Variants in DPP10 observed in about 807,000 individuals in gnomAD.
DPP10 encodes the protein dipeptidyl peptidase like 10, also known as inactive dipeptidyl peptidase 10.
DPP10 carries 33 observed loss-of-function variants against 120.9 expected under a neutral mutation model. That is an observed-to-expected ratio of 0.27 (90% CI 0.21 to 0.37). The LOEUF (loss-of-function observed/expected upper bound fraction) is 0.37, where lower values mean the gene tolerates loss of function less well. Ranked by LOEUF, DPP10 falls within the 10% of genes least tolerant of loss-of-function variation. DPP10 has a pLI of 1.00. For synonymous variants in DPP10, 337 were observed against 326.1 expected, an observed-to-expected ratio of 1.03 and a Z score of -0.36; for missense variants, 816 against 942.8, an observed-to-expected ratio of 0.87 and a Z score of 1.76.
At chr2:115,383,864 T>G (rs1247451947) in intron 3 of DPP10, among the ~76,000 whole-genome samples, 1 of 152,192 alleles carries the variant, frequency 6.6e-6, no homozygotes, top group Non-Finnish European at 1.5e-5. Context: ...TTGAGATTAT[T>G]TCTCAGCAAT....
intron 1 of DPP10, among the ~76,000 whole-genome samples, chr2:115,300,098 A>G (rs1021386939): frequency 2.6e-5 from 4 of 152,032 alleles, no homozygotes; most frequent in Admixed American, 2.6e-4. Context: ...ATATGTTTTT[A>G]TTATAGTACT....
chr2:114,562,141 T>G (rs1688814653), intron 1 of DPP10, among the ~76,000 whole-genome samples: 1 of 152,224 alleles, frequency 6.6e-6, no homozygotes, highest in Non-Finnish European at 1.5e-5. Flanking sequence ...TTAAAGGCAG[T>G]CAGCTGAAAG....
At chr2:115,402,891 GTA>G (rs369615095) in intron 3 of DPP10, among the ~76,000 whole-genome samples, 52,076 of 123,628 alleles carry the variant, frequency 0.42, 12,387 homozygotes, top group Non-Finnish European at 0.54. Context: ...GTGTGTGTGT[GTA>G]TATATATATG....
At chr2:114,761,528 T>C (rs886288832) in intron 1 of DPP10, among the ~76,000 whole-genome samples, 6 of 152,132 alleles carry the variant, frequency 3.9e-5, no homozygotes, top group Non-Finnish European at 8.8e-5. Flanking sequence ...TGTGTTGTAA[T>C]AAGATTGGGA....
chr2:115,671,298 G>A (rs1324952504), intron 5 of DPP10, among the ~76,000 whole-genome samples: 1 of 151,708 alleles, frequency 6.6e-6, no homozygotes, highest in Non-Finnish European at 1.5e-5. Context: ...AAACCAAGAT[G>A]ATATTTTAAT....
chr2:114,742,702 AAAC>A, intron 1 of DPP10, among the ~76,000 whole-genome samples: 1 of 152,348 alleles, frequency 6.6e-6, no homozygotes, highest in South Asian at 2.1e-4. Flanking sequence ...CATTTGAAAG[AAAC>A]AATACTGGTG....
intron 1 of DPP10, among the ~76,000 whole-genome samples, chr2:114,729,282 G>A (rs1196862951): frequency 1.3e-5 from 2 of 152,234 alleles, no homozygotes; most frequent in Non-Finnish European, 1.5e-5. Flanking sequence ...AGTTTCAGAT[G>A]AAGCCTCCAG....
At chr2:114,574,858 G>A (rs1485175515) in intron 1 of DPP10, among the ~76,000 whole-genome samples, 2 of 152,154 alleles carry the variant, frequency 1.3e-5, no homozygotes, top group Non-Finnish European at 2.9e-5. Context: ...GGAGACCCAG[G>A]ATTTCCATGA....
chr2:114,719,652 T>G (rs1189470835), intron 1 of DPP10, among the ~76,000 whole-genome samples: 2 of 152,174 alleles, frequency 1.3e-5, no homozygotes, highest in Non-Finnish European at 2.9e-5. Context: ...TTCCCCTTTG[T>G]CTTTTGAAGG....
At chr2:115,470,421 A>C (rs915007876) in intron 3 of DPP10, among the ~76,000 whole-genome samples, 1 of 152,146 alleles carries the variant, frequency 6.6e-6, no homozygotes, top group Non-Finnish European at 1.5e-5. Flanking sequence ...CACAGAAAAA[A>C]ACCTGGCCAT....
intron 1 of DPP10, among the ~76,000 whole-genome samples, chr2:114,600,303 T>C (rs1692261027): frequency 6.6e-6 from 1 of 151,824 alleles, no homozygotes; most frequent in South Asian, 2.1e-4. Context: ...TAATATCCCA[T>C]TTTCTGTTAA....
At chr2:114,877,370 G>T (rs977378148) in intron 1 of DPP10, among the ~76,000 whole-genome samples, 2 of 151,962 alleles carry the variant, frequency 1.3e-5, no homozygotes, top group Admixed American at 6.6e-5. Flanking sequence ...GATACATAAG[G>T]TTCCTAAGCA....
At chr2:115,703,820 C>T (rs2091989862) in intron 7 of DPP10, among the ~76,000 whole-genome samples, 1 of 151,992 alleles carries the variant, frequency 6.6e-6, no homozygotes, top group Admixed American at 6.6e-5. Context: ...GTAGGTATGA[C>T]ACTTCACACA....
At chr2:115,499,445 C>G in intron 3 of DPP10, 65 bp from the exon 4 acceptor site, 2 of 1,322,750 alleles carry the variant, frequency 1.5e-6, no homozygotes, top group Non-Finnish European at 2.1e-6. Context: ...CACGTTTTCT[C>G]CCCTACAGTT....
At chr2:115,209,694 C>T (rs78793408) in intron 1 of DPP10, among the ~76,000 whole-genome samples, 1,696 of 151,554 alleles carry the variant, frequency 0.011, 31 homozygotes, top group African/African-American at 0.039. Context: ...CTCAGAACAG[C>T]AAAGAAAAAA....
intron 3 of DPP10, among the ~76,000 whole-genome samples, chr2:115,483,226 T>A (rs1161610165): frequency 6.6e-6 from 1 of 152,140 alleles, no homozygotes; most frequent in Non-Finnish European, 1.5e-5. Context: ...TCATTTTTAA[T>A]ATGTATTATA....
chr2:114,905,143 C>G (rs1349802763), intron 1 of DPP10, among the ~76,000 whole-genome samples: 1 of 151,760 alleles, frequency 6.6e-6, no homozygotes, highest in African/African-American at 2.4e-5. Context: ...CTTATTAATT[C>G]TAATAATTTC....
chr2:115,708,261 A>C (rs1199377608), intron 7 of DPP10, among the ~76,000 whole-genome samples: 1 of 152,006 alleles, frequency 6.6e-6, no homozygotes, highest in Non-Finnish European at 1.5e-5. Flanking sequence ...GGAGCAAGGG[A>C]CATAAAGGAC....
chr2:115,355,837 G>A (rs879101396), intron 3 of DPP10, among the ~76,000 whole-genome samples: 2 of 152,056 alleles, frequency 1.3e-5, no homozygotes, highest in African/African-American at 4.8e-5. Flanking sequence ...GCTTATTTTT[G>A]TCAGGTTTGT....
Sources: allele counts gnomAD v4.1 joint callset (sites outside exome capture counted in the v4.1 genomes callset), GRCh38; gene constraint gnomAD v4.1.1; transcripts MANE v1.5; gene names NCBI Gene and HGNC (gene_info 2026-07-23, HGNC 2026-07-21).